The following GPM6A variants were observed in gnomAD, a reference collection of about 807,000 sequenced individuals.
GPM6A encodes neuronal membrane glycoprotein M6-a.
GPM6A carries 7 observed loss-of-function variants against 32.1 expected under a neutral mutation model. The observed-to-expected ratio is 0.22, with a 90% confidence interval of 0.12 to 0.41. The LOEUF (loss-of-function observed/expected upper bound fraction) is 0.41, where lower values mean the gene tolerates loss of function less well. Ranked by LOEUF, GPM6A falls within the 10% of genes least tolerant of loss-of-function variation. GPM6A has a pLI of 1.00. For synonymous variants in GPM6A, 130 were observed against 123.4 expected, an observed-to-expected ratio of 1.05 and a Z score of -0.35; for missense variants, 235 against 347.2, an observed-to-expected ratio of 0.68 and a Z score of 2.57.
At chr4:175,968,453 G>A (rs1472702059) in intron 1 of GPM6A, among the ~76,000 whole-genome samples, 2 of 152,154 alleles carry the variant, frequency 1.3e-5, no homozygotes, top group Non-Finnish European at 2.9e-5. Flanking sequence ...AATCATTGCT[G>A]CTTGGCAAAA....
At chr4:175,881,873 G>C (rs180824704) in intron 1 of GPM6A, among the ~76,000 whole-genome samples, 217 of 152,170 alleles carry the variant, frequency 1.4e-3, no homozygotes, top group African/African-American at 4.8e-3. Context: ...ATAGCATTAA[G>C]AGATATATCT....
At chr4:175,961,037 A>G (rs992563408) in intron 1 of GPM6A, among the ~76,000 whole-genome samples, 1 of 152,228 alleles carries the variant, frequency 6.6e-6, no homozygotes, top group Non-Finnish European at 1.5e-5. Flanking sequence ...CAGCATACCA[A>G]TGTGCTAATT....
chr4:175,689,721 T>A (rs750270948), intron 2 of GPM6A, among the ~76,000 whole-genome samples: 5 of 152,216 alleles, frequency 3.3e-5, no homozygotes, highest in Non-Finnish European at 5.9e-5. Context: ...CCTACTATGA[T>A]TGTGTCACTG....
chr4:175,857,495 T>A (rs1164239215), intron 1 of GPM6A, among the ~76,000 whole-genome samples: 1 of 151,674 alleles, frequency 6.6e-6, no homozygotes, highest in Non-Finnish European at 1.5e-5. Context: ...AGCATAAAAA[T>A]CAATTAAAAA....
At chr4:175,737,896 C>A (rs1731726744) in intron 1 of GPM6A, among the ~76,000 whole-genome samples, 1 of 151,456 alleles carries the variant, frequency 6.6e-6, no homozygotes, top group African/African-American at 2.4e-5. Context: ...TGGGGATGCA[C>A]TTCCATGAGA....
At chr4:175,685,934 T>C (rs1013607605) in intron 2 of GPM6A, among the ~76,000 whole-genome samples, 4 of 152,184 alleles carry the variant, frequency 2.6e-5, no homozygotes, top group African/African-American at 9.7e-5. Context: ...TGTGTGTGTG[T>C]GTGTGCACGC....
rs867650866 is a variant in GPM6A at position 175,992,068 on chromosome 4, A to G, written c.-23+10241T>C. On this transcript the variant is annotated intron_variant, in intron 1 of 7. Transcript: ENST00000280187. Reference sequence around the variant, plus strand: ...TACACACAAACACACATGCACACACACACACACACACACACACACACACAG... The same window carrying G: ...TACACACAAACACACATGCACACACGCACACACACACACACACACACACAG... 9.3e-3 allele frequency among the ~76,000 whole-genome samples: 1,418 copies of G among 151,812 alleles called. 23 individuals carry two copies. The highest frequency in any genetic ancestry group is 0.032 in the African/African-American group (1,320 of 41,400).
intron 1 of GPM6A, among the ~76,000 whole-genome samples, chr4:175,980,559 A>C (rs1318516756): frequency 6.6e-6 from 1 of 152,190 alleles, no homozygotes; most frequent in Non-Finnish European, 1.5e-5. Flanking sequence ...AAATTTGTGA[A>C]TGTTCTTCCT....
At chr4:175,920,828 G>A (rs1298854193) in intron 1 of GPM6A, among the ~76,000 whole-genome samples, 18 of 145,560 alleles carry the variant, frequency 1.2e-4, no homozygotes, top group African/African-American at 4.0e-4. Context: ...GCAACAGAGC[G>A]AGAATCTGTC....
chr4:175,920,389 A>C (rs913915328), intron 1 of GPM6A, among the ~76,000 whole-genome samples: 2 of 152,232 alleles, frequency 1.3e-5, no homozygotes, highest in Non-Finnish European at 2.9e-5. Context: ...ATGACACAAA[A>C]AAATAAAGAA....
intron 2 of GPM6A, among the ~76,000 whole-genome samples, chr4:175,699,759 C>T (rs1043223781): frequency 6.6e-6 from 1 of 152,008 alleles, no homozygotes; most frequent in Non-Finnish European, 1.5e-5. Context: ...TTTAAATAAA[C>T]AAATATTTCA....
upstream of GPM6A, chr4:175,812,266 A>C: frequency 6.8e-7 from 1 of 1,463,678 alleles, no homozygotes; most frequent in Non-Finnish European, 9.0e-7. Flanking sequence ...CACGGAATTA[A>C]TCAAAAGCTC....
At chr4:175,965,715 G>A (rs1471958536) in intron 1 of GPM6A, among the ~76,000 whole-genome samples, 1 of 151,732 alleles carries the variant, frequency 6.6e-6, no homozygotes, top group African/African-American at 2.4e-5. Context: ...CCAGGTTCAA[G>A]AGATTCTCCT....
chr4:175,945,143 G>A (rs1048250323), intron 1 of GPM6A, among the ~76,000 whole-genome samples: 1 of 152,052 alleles, frequency 6.6e-6, no homozygotes, highest in Non-Finnish European at 1.5e-5. Flanking sequence ...AGTGTGAACA[G>A]CAATTATCTC....
chr4:175,711,087 T>C (rs1745502125), intron 1 of GPM6A, among the ~76,000 whole-genome samples: 1 of 152,158 alleles, frequency 6.6e-6, no homozygotes, highest in Non-Finnish European at 1.5e-5. Flanking sequence ...TGACAGTACA[T>C]CAATGTGTAC....
chr4:175,743,708 C>A (rs1731980697), intron 1 of GPM6A, among the ~76,000 whole-genome samples: 1 of 151,698 alleles, frequency 6.6e-6, no homozygotes, highest in African/African-American at 2.4e-5. Flanking sequence ...CATGCAAATA[C>A]TAAACACTAG....
chr4:175,743,667 G>A (rs962986232), intron 1 of GPM6A, among the ~76,000 whole-genome samples: 2 of 151,796 alleles, frequency 1.3e-5, no homozygotes, highest in African/African-American at 2.4e-5. Flanking sequence ...GACACAAAAA[G>A]TTGAAAAAAT....
intron 1 of GPM6A, among the ~76,000 whole-genome samples, chr4:175,831,075 T>A (rs1735597098): frequency 6.6e-6 from 1 of 152,248 alleles, no homozygotes; most frequent in Admixed American, 6.5e-5. Context: ...TATTAGCATC[T>A]ATTTCTACTT....
At chr4:175,652,024 T>A in intron 3 of GPM6A, 37 bp from the exon 4 acceptor site, 1 of 1,550,342 alleles carries the variant, frequency 6.5e-7, no homozygotes, top group South Asian at 1.2e-5. Context: ...GAAAATGTAA[T>A]CTACCAAAAA....
Sources: gnomAD v4.1 joint callset for allele counts (sites outside exome capture counted in the v4.1 genomes callset) on GRCh38, gnomAD v4.1.1 for gene constraint, MANE v1.5 for transcripts, NCBI Gene and HGNC (gene_info 2026-07-23, HGNC 2026-07-21) for gene names.